TARBP1: variants seen among roughly 807,000 people sequenced by gnomAD.
The protein encoded by TARBP1 is tRNA (guanosine(18)-2'-O)-methyltransferase TARBP1.
TARBP1 carries 144 observed loss-of-function variants against 178.6 expected under a neutral mutation model. That is an observed-to-expected ratio of 0.81 (90% confidence interval 0.70 to 0.93). TARBP1 has a LOEUF of 0.93. Ranked by LOEUF, TARBP1 falls within the 40% of genes least tolerant of loss-of-function variation. The pLI is 0.00. For synonymous variants in TARBP1, 787 were observed against 781.0 expected (o/e 1.01, Z -0.13); for missense variants, 2,067 against 2,011.7 (o/e 1.03, Z -0.53).
intron 17 of TARBP1, 75 bp from the exon 18 acceptor site, chr1:234,427,841 T>C: frequency 9.5e-7 from 1 of 1,056,200 alleles, no homozygotes; most frequent in South Asian, 2.8e-5. Context: ...AACTGTTACT[T>C]AGTTTCAACA....
chr1:234,400,147 C>T (rs1447473352), intron 25 of TARBP1: 3 of 151,678 alleles, frequency 2.0e-5, no homozygotes, highest in Non-Finnish European at 2.9e-5. Flanking sequence ...CATTTCATGA[C>T]TGGAGAATAA....
chr1:234,478,184 T>C lies in TARBP1; in HGVS notation c.920A>G (p.Gln307Arg), dbSNP rs1278045338. 1.9e-6 allele frequency: 3 copies of C among 1,611,772 alleles called. No individual in the cohort carries two copies. The highest frequency in any genetic ancestry group is 1.3e-5 in the African/African-American group (1 of 75,014). The change falls in exon 1 of 30, where the codon CAG (glutamine) becomes CGG (arginine). Residue 307 changes from glutamine (Q) to arginine (R), a missense_variant. Transcript: ENST00000040877. ...ELGADCTCGPQEGNGPSLFWW... is the reference protein window; with the variant it reads ...ELGADCTCGPREGNGPSLFWW... ...AAAGAGGCAGGTACCGTTTCCTTCC[T>C]GGGGCCCGCAGGTGCAGTCGGCCCC...
intron 26 of TARBP1, 150 bp from the exon 27 acceptor site, chr1:234,393,987 TTTAG>T: frequency 1.5e-6 from 1 of 669,138 alleles, no homozygotes; most frequent in Non-Finnish European, 2.3e-6. Flanking sequence ...AGTAAAAAAC[TTTAG>T]TTGGATTCAG....
At position 234,471,182 on chromosome 1, in the gene TARBP1, C is replaced by T. The variant is rs918745461; in HGVS notation, c.1099+6G>A. ...TATTAAAAAATAAAATAAAAGTAAT[C>T]GTTACCATTTTCCTCTGACACCGCA... On this transcript the variant is annotated splice_donor_region_variant and intron_variant, in intron 3 of 29. Coordinates refer to ENST00000040877, the MANE Select transcript of TARBP1 (RefSeq NM_005646.4). 5.7e-6 allele frequency: 9 copies of T among 1,582,764 alleles called. No homozygotes were observed. The highest frequency in any genetic ancestry group is 3.8e-5 in the Admixed American group (2 of 52,970).
At position 234,401,327 on chromosome 1, in the gene TARBP1, A is replaced by G. The variant is rs1660660071; in HGVS notation, c.3990-65T>C. ...AACAACTCTGGTGAGGGGAGAATCA[A>G]TTCAGTATCTTAAAGGGTGGCTGCA... On this transcript the variant is annotated intron_variant, in intron 24 of 29. Coordinates refer to ENST00000040877, the MANE Select transcript of TARBP1 (RefSeq NM_005646.4). 7 of 1,254,532 alleles carry G rather than the reference A, an allele frequency of 5.6e-6. No homozygotes were observed. The East Asian group carries it at 1.5e-4, about 26-fold the overall frequency. The allele number at this position is 1,254,532 out of a possible 1,614,324, so 77.7% of individuals were successfully genotyped here.
Position 234,391,700 on chromosome 1 carries a change from G to A in TARBP1, c.4743C>T (p.Asp1581=), listed in dbSNP as rs369095686. 10 of 1,613,442 alleles carry A rather than the reference G, an allele frequency of 6.2e-6. No individual in the cohort carries two copies. The highest frequency in any genetic ancestry group is 2.2e-5 in the East Asian group (1 of 44,894). Reference sequence around the variant, plus strand: ...CCTGTTGAGGAATTTCCACACAAACGTCCAACTGTTGGATCAGATTTGCTG... The same window carrying A: ...CCTGTTGAGGAATTTCCACACAAACATCCAACTGTTGGATCAGATTTGCTG... ...GIPANLIQQL[D]VCVEIPQQGI... The change falls in exon 30 of 30, where the codon GAC becomes GAT. Residue 1581 remains aspartate, a synonymous_variant. Transcript: ENST00000040877.
chr1:234,425,061 CA>C (rs200260687), intron 20 of TARBP1, among the ~76,000 whole-genome samples: 169 of 128,290 alleles, frequency 1.3e-3, no homozygotes, highest in Admixed American at 1.3e-3. Flanking sequence ...AACTCCGTCT[CA>C]AAAAAAAAAA....
At chr1:234,449,318 T>C (rs1397613427) in intron 10 of TARBP1, among the ~76,000 whole-genome samples, 1 of 152,122 alleles carries the variant, frequency 6.6e-6, no homozygotes, top group Non-Finnish European at 1.5e-5. Context: ...AAAATCAAAA[T>C]TTATATTTTG....
chr1:234,478,300 C>T lies in TARBP1; in HGVS notation c.804G>A (p.Thr268=), dbSNP rs572342853. 8 of 1,535,114 alleles carry T rather than the reference C, an allele frequency of 5.2e-6. No individual in the cohort carries two copies. The East Asian group carries it at 1.6e-4, about 31-fold the overall frequency. ...CCGCCTGGCCCAGCCCCGCCTGCAC[C>T]GTCCTCCAGAAGCGCCAGCAGCGCC... ...DARRCWRFWR[T]VQAGLGQADA... Residue 268 remains threonine (T), a synonymous_variant, in exon 1 of 30, where the codon ACG becomes ACA. Coordinates refer to ENST00000040877, the MANE Select transcript of TARBP1 (RefSeq NM_005646.4).
intron 11 of TARBP1, 110 bp from the exon 12 acceptor site, chr1:234,447,085 G>C (rs1049603992): frequency 2.9e-5 from 34 of 1,176,496 alleles, no homozygotes; most frequent in Non-Finnish European, 1.2e-6. Context: ...ATTAGACAAA[G>C]TTACTCTCAT....
intron 17 of TARBP1, 62 bp downstream of exon 17, chr1:234,429,074 T>C (rs1664104115): frequency 2.1e-6 from 3 of 1,425,304 alleles, no homozygotes; most frequent in Non-Finnish European, 2.8e-6. Flanking sequence ...ACTCTCATGT[T>C]CCTCATGTGC....
chr1:234,452,319 C>A (rs1015752897), intron 9 of TARBP1, among the ~76,000 whole-genome samples: 2 of 152,124 alleles, frequency 1.3e-5, no homozygotes, highest in Non-Finnish European at 2.9e-5. Context: ...ATTTGCAAAA[C>A]ACATATCTGA....
In TARBP1 at chr1:234,427,741, G is replaced by A. The variant is rs1253093729; in HGVS notation, c.3086C>T (p.Ser1029Phe). The A allele has an allele frequency of 2.1e-6, 3 of 1,446,192 alleles. No homozygotes were observed. The highest frequency in any genetic ancestry group is 1.6e-5 in the South Asian group (1 of 61,462). 89.6% of individuals were successfully genotyped at this position (1,446,192 alleles called of 1,614,324 possible). Residue 1029 changes from serine to phenylalanine, a missense_variant, in exon 18 of 30, where the codon TCT becomes TTT. Physicochemically the swap from Ser to Phe is radical, Grantham distance 155 (BLOSUM62 -2). Coordinates refer to ENST00000040877, the MANE Select transcript of TARBP1 (RefSeq NM_005646.4). ...KEIMYKIIEM[S>F]AIKTGVFNTL... ...ATTGAAGACTCCAGTCTTTATAGCA[G>A]ACATTTCAATTATCTTGTACATAAT...
chr1:234,392,369 T>G (rs769159024), intron 29 of TARBP1, 47 bp downstream of exon 29: 3 of 1,584,324 alleles, frequency 1.9e-6, no homozygotes, highest in Admixed American at 3.8e-5. Flanking sequence ...CATCTTCCAG[T>G]AGTCTGGGGC....
At chr1:234,405,814 G>A in intron 24 of TARBP1, 89 bp downstream of exon 24, 2 of 1,264,544 alleles carry the variant, frequency 1.6e-6, no homozygotes, top group South Asian at 1.4e-5. Flanking sequence ...GATGTGGAAG[G>A]AGAAGCTGAC....
chr1:234,463,789 A>G (rs1160671365), intron 6 of TARBP1, 48 bp downstream of exon 6: 1 of 1,130,694 alleles, frequency 8.8e-7, no homozygotes. Context: ...AAAAAAAAAG[A>G]AACTGTAAGC....
Position 234,398,176 on chromosome 1 carries a change from T to A in TARBP1, c.4243+206A>T, listed in dbSNP as rs977410585. On this transcript the variant is annotated intron_variant, in intron 26 of 29. Transcript: ENST00000040877. ...CTTCCTTTGGCTTTTTTTTTTTTTT[T>A]AAATAGCTTTAAAGCTAAGTTTCAC... 2.5e-4 allele frequency: 87 copies of A among 351,026 alleles called. 1 individual carries two copies. Among genetic ancestry groups the A allele is most frequent in the Non-Finnish European group, 3.6e-4 (73 of 200,436 alleles). 21.7% of individuals were successfully genotyped at this position (351,026 alleles called of 1,614,324 possible).
chr1:234,478,914 C>G lies in TARBP1; in HGVS notation c.190G>C (p.Val64Leu), dbSNP rs1669858900. Residue 64 changes from valine (V) to leucine (L), a missense_variant, in exon 1 of 30, where the codon GTG (valine) becomes CTG (leucine). Coordinates refer to ENST00000040877, the MANE Select transcript of TARBP1 (RefSeq NM_005646.4). ...AGTGGCACGAGGTACCCTGCAGCCA[C>G]CTCGCGCGCCGCCTCCGGGAGCGCG... ...AGALPEAARE[V>L]AAGYLVPLLR... The G allele has an allele frequency of 7.0e-7, 1 of 1,425,858 alleles. No individual in the cohort carries two copies. Among genetic ancestry groups the G allele is most frequent in the Non-Finnish European group, 9.1e-7 (1 of 1,098,996 alleles). The allele number at this position is 1,425,858 out of a possible 1,614,324, so 88.3% of individuals were successfully genotyped here. A position where few individuals can be genotyped will look rare whatever the true frequency, so the allele number is the denominator to read the frequency against.
rs745582581 is a variant in TARBP1 at position 234,429,124 on chromosome 1, AAAGT to A, written c.3060+8_3060+11del. 1 of 1,552,040 alleles carries A rather than the reference AAAGT, an allele frequency of 6.4e-7. No individual in the cohort carries two copies. The highest frequency in any genetic ancestry group is 8.6e-7 in the Non-Finnish European group (1 of 1,157,918). On this transcript the variant is annotated splice_region_variant and intron_variant, in intron 17 of 29. Transcript: ENST00000040877. ...ATGAAAAGAAAAGCAAAAAGAAAAG[AAAGT>A]TAGTTACCTCTTTTATTTTGAAATA... is the stretch of plus-strand genomic sequence containing the variant.
Sources: gnomAD v4.1 joint callset for allele counts (sites outside exome capture counted in the v4.1 genomes callset) on GRCh38, gnomAD v4.1.1 for gene constraint, MANE v1.5 for transcripts, NCBI Gene and HGNC (gene_info 2026-07-23, HGNC 2026-07-21) for gene names.